The following HTR1F variants were observed in gnomAD, a reference collection of about 807,000 sequenced individuals.
HTR1F encodes the protein 5-hydroxytryptamine receptor 1F, also known as 5-hydroxytryptamine (serotonin) receptor 1F, G protein-coupled.
Under a neutral mutation model 24.0 loss-of-function variants are expected in HTR1F, and 17 were observed. The ratio of observed to expected loss-of-function variants is 0.71; its 90% CI spans 0.48 to 1.06. The LOEUF is 1.06. HTR1F is among the 50% of genes least tolerant of loss of function. The probability of loss-of-function intolerance (pLI) is 0.00; values close to 1 mark genes in which losing one functional copy is unlikely to be tolerated. For missense variants in HTR1F, 391 were observed against 427.8 expected, an observed-to-expected ratio of 0.91 and a Z score of 0.76; for synonymous variants, 186 against 156.8, an observed-to-expected ratio of 1.19 and a Z score of -1.39.
chr3:87,884,183 C>T (rs748812740), intron 2 of HTR1F, among the ~76,000 whole-genome samples: 1 of 152,070 alleles, frequency 6.6e-6, no homozygotes, highest in Non-Finnish European at 1.5e-5. Context: ...GAGTGGGGGC[C>T]AATACTCAAC....
intron 2 of HTR1F, among the ~76,000 whole-genome samples, chr3:87,858,691 T>C (rs1365536316): frequency 6.6e-6 from 1 of 152,110 alleles, no homozygotes; most frequent in African/African-American, 2.4e-5. Context: ...TGGAATCTTT[T>C]GTGTAACCTT....
chr3:87,923,512 C>A (rs1381832157), intron 2 of HTR1F, among the ~76,000 whole-genome samples: 1 of 151,548 alleles, frequency 6.6e-6, no homozygotes, highest in Non-Finnish European at 1.5e-5. Context: ...AATGAAATTG[C>A]TTTCTTGTTT....
intron 2 of HTR1F, among the ~76,000 whole-genome samples, chr3:87,933,822 T>A (rs1356196591): frequency 6.6e-6 from 1 of 152,174 alleles, no homozygotes; most frequent in African/African-American, 2.4e-5. Context: ...TTCTTTAAAC[T>A]AACACATAAA....
At chr3:87,802,941 G>A (rs901408619) in intron 1 of HTR1F, among the ~76,000 whole-genome samples, 3 of 152,098 alleles carry the variant, frequency 2.0e-5, no homozygotes, top group Non-Finnish European at 4.4e-5. Flanking sequence ...CTTTTAGCAG[G>A]TTCTTTAGAA....
intron 2 of HTR1F, among the ~76,000 whole-genome samples, chr3:87,949,302 T>C (rs1041933902): frequency 1.3e-5 from 2 of 152,246 alleles, no homozygotes; most frequent in African/African-American, 4.8e-5. Context: ...GTACTTCTAC[T>C]TCTGGCAGCT....
chr3:87,886,681 T>G (rs1705954013), intron 2 of HTR1F, among the ~76,000 whole-genome samples: 1 of 151,998 alleles, frequency 6.6e-6, no homozygotes, highest in African/African-American at 2.4e-5. Context: ...TCACAAGCAT[T>G]CGTCTACACC....
chr3:87,812,188 C>T (rs1354478324), intron 1 of HTR1F, among the ~76,000 whole-genome samples: 2 of 152,052 alleles, frequency 1.3e-5, no homozygotes, highest in African/African-American at 2.4e-5. Flanking sequence ...AATATGGAAG[C>T]AACTTTGGAA....
At chr3:87,793,514 TGTTTGGA>T (rs2107043569) in intron 1 of HTR1F, 1 of 152,052 alleles carries the variant, frequency 6.6e-6, no homozygotes, top group East Asian at 1.9e-4. Context: ...GGCGCCTTCC[TGTTTGGA>T]GGGGCAATCA....
At chr3:87,799,498 T>A (rs1703960356) in intron 1 of HTR1F, among the ~76,000 whole-genome samples, 1 of 152,188 alleles carries the variant, frequency 6.6e-6, no homozygotes, top group East Asian at 1.9e-4. Context: ...CATAGTGATA[T>A]TATTACATTT....
intron 2 of HTR1F, among the ~76,000 whole-genome samples, chr3:87,867,256 A>G (rs959863771): frequency 6.6e-6 from 1 of 151,874 alleles, no homozygotes; most frequent in African/African-American, 2.4e-5. Context: ...CTTGATAAGA[A>G]TGCAGTAGTA....
At chr3:87,936,150 T>C (rs1704411022) in intron 2 of HTR1F, among the ~76,000 whole-genome samples, 1 of 152,176 alleles carries the variant, frequency 6.6e-6, no homozygotes, top group South Asian at 2.1e-4. Context: ...GCACCTAGCC[T>C]ATTTTTAGGA....
At chr3:87,955,085 A>G (rs1469660195) in intron 2 of HTR1F, among the ~76,000 whole-genome samples, 1 of 151,468 alleles carries the variant, frequency 6.6e-6, no homozygotes, top group Admixed American at 6.6e-5. Flanking sequence ...AAGATAAATT[A>G]TATCAATTTA....
chr3:87,874,966 C>T (rs1338735265), intron 2 of HTR1F, among the ~76,000 whole-genome samples: 1 of 152,048 alleles, frequency 6.6e-6, no homozygotes, highest in East Asian at 1.9e-4. Context: ...TACTTTACAC[C>T]ATATACAAAA....
intron 2 of HTR1F, among the ~76,000 whole-genome samples, chr3:87,930,002 CA>C (rs1277156008): frequency 6.6e-6 from 1 of 152,046 alleles, no homozygotes; most frequent in Non-Finnish European, 1.5e-5. Context: ...GTTCTACTTG[CA>C]GAGATCTTTC....
At chr3:87,873,225 A>G (rs1268795363) in intron 2 of HTR1F, among the ~76,000 whole-genome samples, 1 of 152,060 alleles carries the variant, frequency 6.6e-6, no homozygotes, top group Admixed American at 6.6e-5. Flanking sequence ...CTGGAGAACT[A>G]GAAACGCCAG....
intron 2 of HTR1F, among the ~76,000 whole-genome samples, chr3:87,983,292 T>C (rs980690656): frequency 2.0e-5 from 3 of 152,142 alleles, no homozygotes; most frequent in African/African-American, 7.2e-5. Flanking sequence ...AGAAAATGTA[T>C]ACATATACAT....
chr3:87,965,977 C>T (rs956503541), intron 2 of HTR1F, among the ~76,000 whole-genome samples: 15 of 152,164 alleles, frequency 9.9e-5, no homozygotes, highest in African/African-American at 3.6e-4. Context: ...ATGTCTTCCT[C>T]CTCCTAGACA....
chr3:87,877,595 C>A (rs1705698816), intron 2 of HTR1F, among the ~76,000 whole-genome samples: 1 of 152,062 alleles, frequency 6.6e-6, no homozygotes, highest in Non-Finnish European at 1.5e-5. Flanking sequence ...ATGAAAAGGG[C>A]ACTGTTATTA....
At chr3:87,864,145 T>C (rs1318069400) in intron 2 of HTR1F, among the ~76,000 whole-genome samples, 2 of 152,178 alleles carry the variant, frequency 1.3e-5, no homozygotes, top group Non-Finnish European at 2.9e-5. Context: ...TCTCCCTTTT[T>C]CTGGGTCAAA....
Sources: gnomAD v4.1 joint callset for allele counts (sites outside exome capture counted in the v4.1 genomes callset) on GRCh38, gnomAD v4.1.1 for gene constraint, MANE v1.5 for transcripts, NCBI Gene and HGNC (gene_info 2026-07-23, HGNC 2026-07-21) for gene names.